SLC36A3: variants seen among roughly 807,000 people sequenced by gnomAD.
SLC36A3 encodes solute carrier family 36 member 3, also known as proton-coupled amino acid transporter 3.
In SLC36A3, 35 loss-of-function variants were observed where a neutral mutation model predicts 44.3. The ratio of observed to expected loss-of-function variants is 0.79; its 90% CI spans 0.60 to 1.05. The LOEUF is 1.05. Ranked by LOEUF, SLC36A3 falls within the 50% of genes least tolerant of loss-of-function variation. The pLI is 0.00. For synonymous variants in SLC36A3, 211 were observed against 227.6 expected, an observed-to-expected ratio of 0.93 and a Z score of 0.66; for missense variants, 540 against 578.7, an observed-to-expected ratio of 0.93 and a Z score of 0.69.
In SLC36A3 at chr5:151,280,933, A is replaced by G. The variant is rs1415237977; in HGVS notation, c.1144+81T>C. 3 of 1,552,096 alleles carry G rather than the reference A, an allele frequency of 1.9e-6. No individual in the cohort carries two copies. In the African/African-American group the frequency reaches 4.1e-5, roughly 21 times the overall value. ...CTAGGTCACAAAGAAGGCAAGTGGC[A>G]GATCCAATGATGGTGGGGTGGGCGC... On this transcript the variant is annotated intron_variant, in intron 9 of 9. Coordinates refer to ENST00000335230, the MANE Select transcript of SLC36A3 (RefSeq NM_181774.4).
intron 3 of SLC36A3, among the ~76,000 whole-genome samples, chr5:151,295,761 T>C (rs1754935971): frequency 6.6e-6 from 1 of 152,194 alleles, no homozygotes; most frequent in Admixed American, 6.5e-5. Flanking sequence ...TGCTTTTTAC[T>C]TTTACTAACA....
intron 7 of SLC36A3, 30 bp downstream of exon 7, chr5:151,284,583 G>T: frequency 1.3e-6 from 2 of 1,554,454 alleles, no homozygotes; most frequent in South Asian, 1.1e-5. Context: ...GGGCGCTAGG[G>T]ACCATTCGCG....
intron 1 of SLC36A3, among the ~76,000 whole-genome samples, chr5:151,299,027 C>T (rs537266945): frequency 6.6e-6 from 1 of 151,930 alleles, no homozygotes; most frequent in African/African-American, 2.4e-5. Flanking sequence ...TTATTGTGAC[C>T]TAATACATGT....
At chr5:151,288,605 A>T (rs577675176) in intron 4 of SLC36A3, 135 bp from the exon 5 acceptor site, 22 of 696,162 alleles carry the variant, frequency 3.2e-5, no homozygotes, top group Middle Eastern at 4.2e-4. Context: ...ATTTTGAAAA[A>T]TTTTTAAGCC....
Position 151,303,283 on chromosome 5 carries a change from C to A in SLC36A3, c.72G>T (p.Glu24Asp). 1 of 1,614,146 alleles carries A rather than the reference C, an allele frequency of 6.2e-7. No individual in the cohort carries two copies. Among genetic ancestry groups the A allele is most frequent in the East Asian group, 2.2e-5 (1 of 44,878 alleles). ...TCTCTGAAGTAATGCTACTGCTGCTCTCTGAGGGTGACTGAGGTCCGTTGT... is the reference window on the plus strand; with the variant it reads ...TCTCTGAAGTAATGCTACTGCTGCTATCTGAGGGTGACTGAGGTCCGTTGT... ...SLDNGPQSPS[E>D]SSSSITSENV... The change falls in exon 1 of 10, where the codon GAG becomes GAT. Residue 24 changes from glutamate (E) to aspartate (D), a missense_variant. Glu to Asp is a conservative substitution (Grantham distance 45). Coordinates refer to ENST00000335230, the MANE Select transcript of SLC36A3 (RefSeq NM_181774.4).
chr5:151,287,014 A>G lies in SLC36A3; in HGVS notation c.708+232T>C, dbSNP rs780434697. Reference sequence around the variant, plus strand: ...ATTATTTGTTGAATGACCCATTATTATCCAATGTGACGATGATGATGATGA... The same window carrying G: ...ATTATTTGTTGAATGACCCATTATTGTCCAATGTGACGATGATGATGATGA... On this transcript the variant is annotated intron_variant, in intron 6 of 9. Coordinates refer to ENST00000335230, the MANE Select transcript of SLC36A3 (RefSeq NM_181774.4). Among the ~76,000 whole-genome samples, 3 of 151,120 alleles carry G rather than the reference A, an allele frequency of 2.0e-5. No individual in the cohort carries two copies. In the East Asian group the frequency reaches 5.9e-4, roughly 30 times the overall value.
intron 8 of SLC36A3, among the ~76,000 whole-genome samples, chr5:151,282,231 C>A (rs1301480120): frequency 6.9e-6 from 1 of 144,870 alleles, no homozygotes; most frequent in African/African-American, 2.6e-5. Flanking sequence ...TGCAACGGTA[C>A]GATCTCAGCT....
intron 9 of SLC36A3, among the ~76,000 whole-genome samples, chr5:151,279,819 G>A (rs1443785693): frequency 3.3e-5 from 5 of 152,244 alleles, no homozygotes; most frequent in Non-Finnish European, 7.4e-5. Flanking sequence ...TCCTGACCCC[G>A]TACGGAAACT....
At position 151,277,686 on chromosome 5, in the gene SLC36A3, A is replaced by T; in HGVS notation, c.1145-25T>A. ...CCTGCAATGAAAGGAGATATTTAGA[A>T]TCACTGAATGTGCTCAGAAACAAGC... On this transcript the variant is annotated intron_variant, in intron 9 of 9. Coordinates refer to ENST00000335230, the MANE Select transcript of SLC36A3 (RefSeq NM_181774.4). 3 of 1,608,358 alleles carry T rather than the reference A, an allele frequency of 1.9e-6. No individual in the cohort carries two copies. The African/African-American group carries it at 4.0e-5, about 21-fold the overall frequency.
intron 1 of SLC36A3, among the ~76,000 whole-genome samples, 192 bp downstream of exon 1, chr5:151,303,035 C>G (rs73280064): frequency 0.026 from 4,020 of 152,278 alleles, 173 homozygotes; most frequent in African/African-American, 0.09. Flanking sequence ...TTCGTAAAAA[C>G]TGGGAAACAG....
Position 151,281,077 on chromosome 5 carries a change from C to T in SLC36A3, c.1081G>A (p.Val361Met), listed in dbSNP as rs755868021. The T allele has an allele frequency of 2.5e-6, 4 of 1,614,014 alleles. No individual in the cohort carries two copies. The highest frequency in any genetic ancestry group is 3.4e-6 in the Non-Finnish European group (4 of 1,180,018). The change falls in exon 9 of 10, where the codon GTG (valine) becomes ATG (methionine). Residue 361 changes from valine (V) to methionine (M), a missense_variant. By Grantham distance (21) the Val-to-Met change is conservative (BLOSUM62 1). Transcript: ENST00000335230. The stretch of plus-strand genomic sequence containing the variant: ...ACAAACAGTGCCCAGCTCTCTGACA[C>T]TTGGGAGATGGCAAACGGGATGATG... ...EIIIPFAISQ[V>M]SESWALFVDL...
rs538592064 is a variant in SLC36A3, at chr5:151,277,037, G to A, written c.*356C>T. On this transcript the variant is annotated 3_prime_UTR_variant, in exon 10 of 10. Transcript: ENST00000335230. ...CACTTTTCTAAATCTGATGCTTTAA[G>A]GGCAGCTACTGCAGTGTAGAGAAAA... 1 of 236,240 alleles carries A rather than the reference G, an allele frequency of 4.2e-6. No homozygotes were observed. The highest frequency in any genetic ancestry group is 5.0e-5 in the Admixed American group (1 of 20,102). The allele number at this position is 236,240 out of a possible 1,614,324, so 14.6% of individuals were successfully genotyped here. A position where few individuals can be genotyped will look rare whatever the true frequency, so the allele number is the denominator to read the frequency against.
At position 151,284,598 on chromosome 5, in the gene SLC36A3, C is replaced by G; in HGVS notation, c.807+15G>C. 3 of 1,593,166 alleles carry G rather than the reference C, an allele frequency of 1.9e-6. No individual in the cohort carries two copies. The highest frequency in any genetic ancestry group is 2.6e-6 in the Non-Finnish European group (3 of 1,165,860). On this transcript the variant is annotated intron_variant, in intron 7 of 9. Coordinates refer to ENST00000335230, the MANE Select transcript of SLC36A3 (RefSeq NM_181774.4). ...GGGCGCTAGGGACCATTCGCGTGAACCCCATCAATCTTACCATACCGACGC... is the reference window on the plus strand; with the variant it reads ...GGGCGCTAGGGACCATTCGCGTGAAGCCCATCAATCTTACCATACCGACGC...
intron 9 of SLC36A3, among the ~76,000 whole-genome samples, chr5:151,279,175 C>A (rs1335898320): frequency 6.6e-6 from 1 of 152,250 alleles, no homozygotes; most frequent in African/African-American, 2.4e-5. Context: ...TGAAGTGTCA[C>A]TCCACTGGAG....
chr5:151,289,006 G>A (rs2127262809), intron 4 of SLC36A3: 2 of 152,936 alleles, frequency 1.3e-5, no homozygotes, highest in Middle Eastern at 5.8e-4. Flanking sequence ...GTTGCAGTGA[G>A]CTGAGATCTT....
At chr5:151,300,302 C>G (rs2127274217) in intron 1 of SLC36A3, among the ~76,000 whole-genome samples, 1 of 152,288 alleles carries the variant, frequency 6.6e-6, no homozygotes, top group Middle Eastern at 3.4e-3. Flanking sequence ...CAATGCTGAC[C>G]TGAGAGAGGG....
intron 2 of SLC36A3, chr5:151,298,236 C>T (rs1311050754): frequency 1.1e-5 from 2 of 182,840 alleles, no homozygotes; most frequent in Non-Finnish European, 2.3e-5. Context: ...TTCTCATGCG[C>T]CCTCAAGTGG....
chr5:151,298,491 A>G (rs1755036836), intron 2 of SLC36A3, 102 bp downstream of exon 2: 2 of 1,106,146 alleles, frequency 1.8e-6, no homozygotes, highest in East Asian at 2.5e-5. Flanking sequence ...TGCAGAGGGT[A>G]CCCCCAAATT....
chr5:151,298,632 G>A lies in SLC36A3; in HGVS notation c.180C>T (p.Leu60=), dbSNP rs770324432. Residue 60 remains leucine, a synonymous_variant, in exon 2 of 10, where the codon CTC becomes CTT. Coordinates refer to ENST00000335230, the MANE Select transcript of SLC36A3 (RefSeq NM_181774.4). Reference sequence around the variant, plus strand: ...TCTTTATGGCCAGGGGAAGCCCCAGGAGCCCTGTGCCAATGTTGCATTTCA... The same window carrying A: ...TCTTTATGGCCAGGGGAAGCCCCAGAAGCCCTGTGCCAATGTTGCATTTCA... ...HLLKCNIGTG[L]LGLPLAIKNA... is the part of the protein sequence containing the mutation. 1.2e-6 allele frequency: 2 copies of A among 1,614,220 alleles called. No individual in the cohort carries two copies. Among genetic ancestry groups the A allele is most frequent in the South Asian group, 1.1e-5 (1 of 91,090 alleles).
Sources: allele counts gnomAD v4.1 joint callset (sites outside exome capture counted in the v4.1 genomes callset), GRCh38; gene constraint gnomAD v4.1.1; transcripts MANE v1.5; gene names NCBI Gene and HGNC (gene_info 2026-07-23, HGNC 2026-07-21).